The following WDFY4 variants were observed in gnomAD, a reference collection of about 807,000 sequenced individuals.
WDFY4 encodes the protein WD repeat- and FYVE domain-containing protein 4.
WDFY4 carries 169 observed loss-of-function variants against 351.9 expected under a neutral mutation model. The ratio of observed to expected loss-of-function variants is 0.48; its 90% CI spans 0.42 to 0.55. The LOEUF is 0.55. Ranked by LOEUF, WDFY4 falls within the 20% of genes least tolerant of loss-of-function variation. The pLI is 0.00. For synonymous variants in WDFY4, 1,622 were observed against 1,574.6 expected (o/e 1.03, Z -0.71); for missense variants, 3,803 against 3,935.6 (o/e 0.97, Z 0.90).
At chr10:48,721,706 G>A (rs1453274343) in intron 4 of WDFY4, among the ~76,000 whole-genome samples, 1 of 152,144 alleles carries the variant, frequency 6.6e-6, no homozygotes, top group Non-Finnish European at 1.5e-5. Context: ...CTTCCTACCT[G>A]TGGGGCAAGG....
chr10:48,953,336 C>CACACAT (rs1589983454), intron 51 of WDFY4, among the ~76,000 whole-genome samples: 2 of 133,246 alleles, frequency 1.5e-5, no homozygotes, highest in East Asian at 2.0e-4. Flanking sequence ...CTCTCTCTCA[C>CACACAT]ACACACACAC....
Position 48,805,271 on chromosome 10 carries a change from G to A in WDFY4, c.4496G>A (p.Arg1499Lys), listed in dbSNP as rs1438825043. 1 of 1,544,134 alleles carries A rather than the reference G, an allele frequency of 6.5e-7. No homozygotes were observed. The highest frequency in any genetic ancestry group is 1.2e-5 in the South Asian group (1 of 84,054). The change falls in exon 26 of 62, where the codon AGG (arginine) becomes AAG (lysine). Residue 1499 changes from arginine (R) to lysine (K), a missense_variant. By Grantham distance (26) the Arg-to-Lys change is conservative. Coordinates refer to ENST00000325239, the MANE Select transcript of WDFY4 (RefSeq NM_001394531.1). ...EILQSPREGP[R>K]NAEAAHQAQL... ...CCTGTACTCACCAGGGAAGGACCCAGGAATGCTGAAGCTGCCCACCAGGCA... is the reference window on the plus strand; with the variant it reads ...CCTGTACTCACCAGGGAAGGACCCAAGAATGCTGAAGCTGCCCACCAGGCA...
chr10:48,730,290 G>A (rs1412211061), intron 8 of WDFY4, among the ~76,000 whole-genome samples: 1 of 152,262 alleles, frequency 6.6e-6, no homozygotes, highest in African/African-American at 2.4e-5. Context: ...GAGAGCTTCT[G>A]CAGAATAGAG....
intron 52 of WDFY4, among the ~76,000 whole-genome samples, chr10:48,957,596 C>T (rs1841658291): frequency 6.6e-6 from 1 of 152,244 alleles, no homozygotes. Context: ...AGGCCTGGCA[C>T]TGCCTTTCTG....
At chr10:48,891,748 T>C (rs543708241) in intron 44 of WDFY4, among the ~76,000 whole-genome samples, 2 of 152,214 alleles carry the variant, frequency 1.3e-5, no homozygotes, top group African/African-American at 2.4e-5. Flanking sequence ...ATTCTATTGC[T>C]GGTCTGGGAC....
At chr10:48,781,232 G>A (rs1012116543) in intron 19 of WDFY4, among the ~76,000 whole-genome samples, 82 of 151,272 alleles carry the variant, frequency 5.4e-4, no homozygotes, top group African/African-American at 1.8e-3. Context: ...ATATATATGT[G>A]TGTGTGTGTG....
At chr10:48,919,945 G>A (rs997510389) in intron 47 of WDFY4, among the ~76,000 whole-genome samples, 1 of 152,006 alleles carries the variant, frequency 6.6e-6, no homozygotes, top group African/African-American at 2.4e-5. Flanking sequence ...ATCACACAAA[G>A]ACATATAAGA....
At chr10:48,890,507 C>A in intron 43 of WDFY4, 72 bp from the exon 44 acceptor site, 1 of 1,536,194 alleles carries the variant, frequency 6.5e-7, no homozygotes. Flanking sequence ...TGGTCACTAC[C>A]CTCCTGTTTC....
intron 39 of WDFY4, among the ~76,000 whole-genome samples, chr10:48,842,966 G>A (rs2620905): frequency 0.064 from 9,766 of 152,192 alleles, 694 homozygotes; most frequent in African/African-American, 0.18. Context: ...GTTAAAGTTG[G>A]TTTGCTTTTG....
chr10:48,710,430 A>G (rs934087507), intron 2 of WDFY4, among the ~76,000 whole-genome samples: 1 of 152,234 alleles, frequency 6.6e-6, no homozygotes, highest in Non-Finnish European at 1.5e-5. Flanking sequence ...GACCCTAGCG[A>G]GAGTGTCATG....
chr10:48,793,663 T>G (rs1341998389), intron 23 of WDFY4, among the ~76,000 whole-genome samples: 1 of 152,202 alleles, frequency 6.6e-6, no homozygotes, highest in African/African-American at 2.4e-5. Context: ...AGGCACATGC[T>G]TCATAAGAGC....
chr10:48,788,507 T>C lies in WDFY4; in HGVS notation c.3809-23T>C, dbSNP rs1338825746. The C allele has an allele frequency of 7.1e-6, 11 of 1,547,290 alleles. No individual in the cohort carries two copies. The East Asian group carries it at 2.7e-4, about 38-fold the overall frequency. On this transcript the variant is annotated intron_variant, in intron 20 of 61. Coordinates refer to ENST00000325239, the MANE Select transcript of WDFY4 (RefSeq NM_001394531.1). ...CTGCTCTGTAAAGTTAGACTAGAAA[T>C]GTTTAAAGATGTGTTGTTACAGGGG... is the stretch of plus-strand genomic sequence containing the variant.
intron 51 of WDFY4, among the ~76,000 whole-genome samples, chr10:48,947,456 C>T (rs576287280): frequency 3.6e-4 from 55 of 152,336 alleles, no homozygotes; most frequent in African/African-American, 1.3e-3. Flanking sequence ...GACCATTATA[C>T]CAGCTTACGG....
At position 48,832,669 on chromosome 10, in the gene WDFY4, TGCCCGG is replaced by T; in HGVS notation, c.6626_6631del (p.Pro2209_Gly2210del). The T allele has an allele frequency of 6.4e-7, 1 of 1,550,716 alleles. No individual in the cohort carries two copies. The highest frequency in any genetic ancestry group is 1.2e-5 in the South Asian group (1 of 83,712). On this transcript the variant is annotated inframe_deletion, in exon 39 of 62. Transcript: ENST00000325239. The stretch of plus-strand genomic sequence containing the variant: ...AGCCTGTCCTCAGCCATGAAGCTGA[TGCCCGG>T]GCGGCAGGCCAAGGACCCTGAGTGC...
intron 30 of WDFY4, 62 bp downstream of exon 30, chr10:48,811,770 C>A: frequency 6.6e-7 from 1 of 1,507,808 alleles, no homozygotes; most frequent in Non-Finnish European, 9.0e-7. Context: ...ATGACTAAGG[C>A]AGGTCGCCAA....
Position 48,830,768 on chromosome 10 carries a change from C to A in WDFY4, c.6409C>A (p.Leu2137Met), listed in dbSNP as rs2068162007. 4 of 1,551,586 alleles carry A rather than the reference C, an allele frequency of 2.6e-6. No homozygotes were observed. The highest frequency in any genetic ancestry group is 3.5e-6 in the Non-Finnish European group (4 of 1,146,970). Reference sequence around the variant, plus strand: ...GCTGGTGGCACAAAGGCAGCAGACCCTGGAGGATGCCTTCAAGATCGATCT... The same window carrying A: ...GCTGGTGGCACAAAGGCAGCAGACCATGGAGGATGCCTTCAAGATCGATCT... ...QQLVAQRQQT[L>M]EDAFKIDLSV... The change falls in exon 38 of 62, where the codon CTG (leucine) becomes ATG (methionine). Residue 2137 changes from leucine to methionine, a missense_variant. Coordinates refer to ENST00000325239, the MANE Select transcript of WDFY4 (RefSeq NM_001394531.1).
At chr10:48,794,054 A>G (rs995508167) in intron 23 of WDFY4, among the ~76,000 whole-genome samples, 2 of 152,046 alleles carry the variant, frequency 1.3e-5, no homozygotes, top group Non-Finnish European at 2.9e-5. Context: ...GGAGGAGAGG[A>G]TGGTTGTGGA....
At chr10:48,966,231 C>A (rs1842075838) in intron 54 of WDFY4, among the ~76,000 whole-genome samples, 1 of 152,154 alleles carries the variant, frequency 6.6e-6, no homozygotes, top group African/African-American at 2.4e-5. Context: ...TTCTGGGGAC[C>A]AGGGGCTCTT....
rs1367806823 is a variant in WDFY4 at position 48,873,534 on chromosome 10, G to A, written c.6785G>A (p.Arg2262Lys). Residue 2262 changes from arginine to lysine, a missense_variant, in exon 41 of 62, where the codon AGG becomes AAG. Arg to Lys is a conservative substitution (Grantham distance 26). Coordinates refer to ENST00000325239, the MANE Select transcript of WDFY4 (RefSeq NM_001394531.1). ...GNIKAANAWA[R>K]IQEQLFGELG... ...ATCAAGGCAGCCAACGCCTGGGCCA[G>A]GATCCAGGAGCAGCTTTTTGGGGAG... is the stretch of plus-strand genomic sequence containing the variant. 9.0e-6 allele frequency: 14 copies of A among 1,551,592 alleles called. No individual in the cohort carries two copies. The highest frequency in any genetic ancestry group is 1.4e-5 in the African/African-American group (1 of 73,060).
Sources: allele counts gnomAD v4.1 joint callset (sites outside exome capture counted in the v4.1 genomes callset), GRCh38; gene constraint gnomAD v4.1.1; transcripts MANE v1.5; gene names NCBI Gene and HGNC (gene_info 2026-07-23, HGNC 2026-07-21).